USH2A: variants seen among roughly 807,000 people sequenced by gnomAD.
USH2A encodes the protein Usher syndrome 2A (autosomal recessive, mild).
A neutral mutation model predicts 538.9 loss-of-function variants in USH2A; 443 were observed. The ratio of observed to expected loss-of-function variants is 0.82; its 90% CI spans 0.76 to 0.89. The LOEUF (loss-of-function observed/expected upper bound fraction) is 0.89. USH2A is among the 40% of genes least tolerant of loss of function. The pLI, the probability that USH2A is intolerant of heterozygous loss-of-function variation, is 0.00. For missense variants in USH2A, 6,633 were observed against 6,324.8 expected (o/e 1.05, Z -1.65); for synonymous variants, 2,413 against 2,273.5 (o/e 1.06, Z -1.75).
In USH2A at chr1:216,010,069, A is replaced by C. The variant is rs148523650; in HGVS notation, c.6326-9507T>G. Among the ~76,000 whole-genome samples the C allele has an allele frequency of 4.1e-3, 618 of 152,284 alleles. 6 individuals carry two copies. Among genetic ancestry groups the C allele is most frequent in the African/African-American group, 0.014 (574 of 41,538 alleles). On this transcript the variant is annotated intron_variant, in intron 32 of 71. Coordinates refer to ENST00000307340, the MANE Select transcript of USH2A (RefSeq NM_206933.4). Reference sequence around the variant, plus strand: ...CCAATCTGCTCCCGACATTAAATAAAACTCCAAAAATTAAATTCTGGCCCT... The same window carrying C: ...CCAATCTGCTCCCGACATTAAATAACACTCCAAAAATTAAATTCTGGCCCT...
At chr1:216,355,040 G>T (rs2038357395) in intron 4 of USH2A, among the ~76,000 whole-genome samples, 1 of 152,000 alleles carries the variant, frequency 6.6e-6, no homozygotes, top group South Asian at 2.1e-4. Context: ...AGGCATGGTG[G>T]CTCACACTTG....
intron 3 of USH2A, among the ~76,000 whole-genome samples, chr1:216,411,253 G>A (rs2039484978): frequency 6.6e-6 from 1 of 152,016 alleles, no homozygotes; most frequent in Non-Finnish European, 1.5e-5. Flanking sequence ...TACACTATTT[G>A]CTATGCATTT....
At chr1:216,310,096 C>A (rs561418293) in intron 9 of USH2A, among the ~76,000 whole-genome samples, 7 of 152,144 alleles carry the variant, frequency 4.6e-5, no homozygotes, top group Middle Eastern at 6.8e-3. Context: ...TTCATTCTAA[C>A]AATCTCTCTC....
intron 61 of USH2A, among the ~76,000 whole-genome samples, chr1:215,680,726 T>C (rs1331951673): frequency 1.3e-5 from 2 of 151,436 alleles, no homozygotes; most frequent in Non-Finnish European, 2.9e-5. Context: ...AAAATGGAAA[T>C]CAGTGGTGCC....
chr1:216,328,350 T>G (rs542533364), intron 4 of USH2A, among the ~76,000 whole-genome samples: 1 of 152,274 alleles, frequency 6.6e-6, no homozygotes, highest in South Asian at 2.1e-4. Flanking sequence ...CCACATGGTA[T>G]TATTTTATTT....
chr1:216,115,024 C>T (rs2032970292), intron 21 of USH2A, among the ~76,000 whole-genome samples: 1 of 152,042 alleles, frequency 6.6e-6, no homozygotes, highest in East Asian at 1.9e-4. Context: ...AGAGCTCTAT[C>T]TATGTAGATA....
intron 11 of USH2A, among the ~76,000 whole-genome samples, chr1:216,269,186 T>C (rs1248660309): frequency 1.3e-5 from 2 of 152,074 alleles, no homozygotes; most frequent in African/African-American, 2.4e-5. Flanking sequence ...TGAATTCCTA[T>C]GTGTTGTGGG....
At chr1:216,008,863 C>T (rs185673467) in intron 32 of USH2A, among the ~76,000 whole-genome samples, 9 of 152,236 alleles carry the variant, frequency 5.9e-5, no homozygotes, top group East Asian at 3.9e-4. Flanking sequence ...AAAACTCTGG[C>T]GCCAGTCACG....
chr1:215,930,136 A>AGG (rs1220069587), intron 38 of USH2A, among the ~76,000 whole-genome samples: 1 of 152,228 alleles, frequency 6.6e-6, no homozygotes, highest in Non-Finnish European at 1.5e-5. Flanking sequence ...TTACTCTCAG[A>AGG]GGAAAATTGG....
chr1:215,650,346 G>C (rs954963432), intron 65 of USH2A, among the ~76,000 whole-genome samples: 1 of 151,892 alleles, frequency 6.6e-6, no homozygotes, highest in Non-Finnish European at 1.5e-5. Context: ...AGTTTCTTAC[G>C]TTTGTGGAGT....
At chr1:215,787,559 C>G (rs773242303) in intron 51 of USH2A, among the ~76,000 whole-genome samples, 24 of 152,122 alleles carry the variant, frequency 1.6e-4, no homozygotes, top group Non-Finnish European at 3.4e-4. Context: ...ACTTAATCAT[C>G]CCACACTACA....
At chr1:215,861,909 G>A (rs1278205364) in intron 44 of USH2A, among the ~76,000 whole-genome samples, 1 of 139,528 alleles carries the variant, frequency 7.2e-6, no homozygotes, top group African/African-American at 2.7e-5. Flanking sequence ...GCACGATCTC[G>A]GCTCACTGCA....
chr1:215,891,572 C>T (rs999338549), intron 40 of USH2A, among the ~76,000 whole-genome samples: 1 of 152,102 alleles, frequency 6.6e-6, no homozygotes, highest in African/African-American at 2.4e-5. Context: ...AAGCTCTGAA[C>T]ATGAGAAAAG....
At chr1:216,196,531 C>T (rs553459000) in intron 19 of USH2A, 22 bp downstream of exon 19, 2 of 1,612,844 alleles carry the variant, frequency 1.2e-6, no homozygotes, top group African/African-American at 1.3e-5. Flanking sequence ...TCTGAAAGGA[C>T]ATTAGTTAAA....
At chr1:215,756,935 C>T (rs61195085) in intron 58 of USH2A, among the ~76,000 whole-genome samples, 1,681 of 96,242 alleles carry the variant, frequency 0.017, 15 homozygotes, top group African/African-American at 0.024. Flanking sequence ...AACAAACAAA[C>T]AAACAAATAA....
chr1:215,946,291 T>C (rs930782220), intron 37 of USH2A, among the ~76,000 whole-genome samples: 8 of 152,228 alleles, frequency 5.3e-5, no homozygotes, highest in Admixed American at 5.2e-4. Flanking sequence ...TTAATTTTTT[T>C]CTCAATATAG....
chr1:215,849,597 C>T (rs1476326331), intron 44 of USH2A, among the ~76,000 whole-genome samples: 1 of 151,956 alleles, frequency 6.6e-6, no homozygotes. Context: ...AAACCTTACC[C>T]AAAATGACTT....
chr1:216,070,205 C>T lies in USH2A; in HGVS notation c.5945G>A (p.Gly1982Asp), dbSNP rs765590481. ...TTTCAGAATGTACTTCTCAATTACA[C>T]CTCTGACAACAGGTTCATCCCAGGT... ...EVTWDEPVVR[G>D]VIEKYILKAY... The change falls in exon 30 of 72, where the codon GGT becomes GAT. Residue 1982 changes from glycine (G) to aspartate (D), a missense_variant. Gly to Asp is a moderately conservative substitution (Grantham distance 94, BLOSUM62 -1). Transcript: ENST00000307340. The T allele has an allele frequency of 2.3e-5, 37 of 1,613,844 alleles. No homozygotes were observed. The highest frequency in any genetic ancestry group is 3.1e-5 in the Non-Finnish European group (37 of 1,179,928).
intron 3 of USH2A, among the ~76,000 whole-genome samples, chr1:216,366,791 A>G (rs565917970): frequency 6.6e-6 from 1 of 152,152 alleles, no homozygotes; most frequent in Non-Finnish European, 1.5e-5. Flanking sequence ...AAGCTTTAAT[A>G]TACCTCAAAT....
Sources: gnomAD v4.1 joint callset for allele counts (sites outside exome capture counted in the v4.1 genomes callset) on GRCh38, gnomAD v4.1.1 for gene constraint, MANE v1.5 for transcripts, NCBI Gene and HGNC (gene_info 2026-07-23, HGNC 2026-07-21) for gene names.